Variants in CFAP20DC observed in about 807,000 individuals in gnomAD.
CFAP20DC encodes the protein CFAP20 domain containing, also known as protein CFAP20DC.
Under a neutral mutation model 101.7 loss-of-function variants are expected in CFAP20DC, and 84 were observed. The ratio of observed to expected loss-of-function variants is 0.83; its 90% CI spans 0.69 to 0.99. The LOEUF (loss-of-function observed/expected upper bound fraction) is 0.99. CFAP20DC is among the 50% of genes least tolerant of loss of function. The pLI is 0.00. For missense variants in CFAP20DC, 1,007 were observed against 970.3 expected, an observed-to-expected ratio of 1.04 and a Z score of -0.50; for synonymous variants, 359 against 351.2, an observed-to-expected ratio of 1.02 and a Z score of -0.25.
At chr3:58,939,844 G>A (rs2088274561) in intron 4 of CFAP20DC, among the ~76,000 whole-genome samples, 1 of 140,098 alleles carries the variant, frequency 7.1e-6, no homozygotes, top group African/African-American at 2.7e-5. Context: ...GTGGCTTACT[G>A]TAACCTCCGC....
chr3:58,913,880 G>T lies in CFAP20DC; in HGVS notation c.394-16C>A. 6.2e-7 allele frequency: 1 copy of T among 1,612,578 alleles called. No homozygotes were observed. The highest frequency in any genetic ancestry group is 8.5e-7 in the Non-Finnish European group (1 of 1,179,256). On this transcript the variant is annotated splice_polypyrimidine_tract_variant and intron_variant, in intron 5 of 16. Transcript: ENST00000482387. The surrounding 1 kb of genome is among the most constrained non-coding windows in gnomAD (Gnocchi z 4.4). ...GATTGCACCACTAAAATAGAGAGATGCAAAGAAGAGTAAGGACCTTTCATC... is the reference window on the plus strand; with the variant it reads ...GATTGCACCACTAAAATAGAGAGATTCAAAGAAGAGTAAGGACCTTTCATC...
At chr3:58,975,055 G>T (rs568415274) in intron 4 of CFAP20DC, among the ~76,000 whole-genome samples, 4 of 152,254 alleles carry the variant, frequency 2.6e-5, no homozygotes, top group African/African-American at 9.6e-5. Context: ...TAGGTGGAAG[G>T]GAGATTAATC....
intron 6 of CFAP20DC, among the ~76,000 whole-genome samples, chr3:58,886,691 G>A (rs554338114): frequency 1.3e-5 from 2 of 152,100 alleles, no homozygotes; most frequent in South Asian, 2.1e-4. Context: ...CAGCCTGGGA[G>A]ATGGAGAAAG....
intron 3 of CFAP20DC, among the ~76,000 whole-genome samples, chr3:59,039,844 T>A (rs1340863595): frequency 6.6e-6 from 1 of 152,024 alleles, no homozygotes; most frequent in Non-Finnish European, 1.5e-5. Context: ...CTTTTAAAGT[T>A]CCATCTGTGG....
intron 12 of CFAP20DC, among the ~76,000 whole-genome samples, chr3:58,853,258 CA>C (rs1303357469): frequency 6.6e-6 from 1 of 152,178 alleles, no homozygotes; most frequent in African/African-American, 2.4e-5. Context: ...TTTCTCGACA[CA>C]TACACTCTCC....
chr3:59,002,106 G>T lies in CFAP20DC; in HGVS notation c.278+37451C>A, dbSNP rs1483495675. 6.6e-6 allele frequency among the ~76,000 whole-genome samples: 1 copy of T among 152,182 alleles called. No homozygotes were observed. Among genetic ancestry groups the T allele is most frequent in the South Asian group, 2.1e-4 (1 of 4,822 alleles). On this transcript the variant is annotated intron_variant, in intron 4 of 16. Coordinates refer to ENST00000482387, the MANE Select transcript of CFAP20DC (RefSeq NM_001394063.1). The surrounding 1 kb of genome is among the most constrained non-coding windows in gnomAD (Gnocchi z 4.5). ...GTCCATGGATTGTCAGAGCCTGAAA[G>T]AACTGAGTTGGGGATCCCAGCTCTG...
chr3:58,947,083 G>A (rs2089467714), intron 4 of CFAP20DC, among the ~76,000 whole-genome samples: 1 of 152,168 alleles, frequency 6.6e-6, no homozygotes, highest in Admixed American at 6.5e-5. Context: ...AGCAATAATG[G>A]TAAATTATTT....
chr3:58,807,348 G>A (rs546646690), intron 14 of CFAP20DC, among the ~76,000 whole-genome samples: 10 of 152,242 alleles, frequency 6.6e-5, no homozygotes, highest in East Asian at 1.9e-4. Flanking sequence ...TCACACGGGC[G>A]GGTACTCCTC....
At chr3:58,910,895 A>C (rs1357479586) in intron 6 of CFAP20DC, among the ~76,000 whole-genome samples, 1 of 152,086 alleles carries the variant, frequency 6.6e-6, no homozygotes, top group Non-Finnish European at 1.5e-5. Context: ...CTTATCAGGC[A>C]TACCAAGAGA....
chr3:59,029,030 A>C (rs2093941959), intron 4 of CFAP20DC, among the ~76,000 whole-genome samples: 1 of 152,182 alleles, frequency 6.6e-6, no homozygotes, highest in Admixed American at 6.5e-5. Context: ...TTCCCCACTG[A>C]TCTTGCTCTT....
intron 3 of CFAP20DC, among the ~76,000 whole-genome samples, chr3:58,733,158 C>T (rs149172795): frequency 4.6e-5 from 7 of 152,174 alleles, no homozygotes; most frequent in Non-Finnish European, 1.0e-4. Flanking sequence ...ATGGTGAAAC[C>T]CCGTGTCAAC....
chr3:59,044,934 A>C (rs1699722389), intron 3 of CFAP20DC, among the ~76,000 whole-genome samples: 2 of 151,860 alleles, frequency 1.3e-5, no homozygotes, highest in Admixed American at 1.3e-4. Flanking sequence ...ATCTTAGTTC[A>C]CCTCATTTAT....
chr3:59,038,501 T>G (rs1035676667), intron 4 of CFAP20DC, among the ~76,000 whole-genome samples: 3 of 152,222 alleles, frequency 2.0e-5, no homozygotes, highest in Admixed American at 2.0e-4. Flanking sequence ...TTGCAGATAT[T>G]ATGTTTGTTA....
rs2081472267 is a variant in CFAP20DC at position 58,884,639 on chromosome 3, T to C, written c.621A>G (p.Thr207=). The C allele has an allele frequency of 1.2e-6, 2 of 1,614,024 alleles. No homozygotes were observed. Among genetic ancestry groups the C allele is most frequent in the East Asian group, 2.2e-5 (1 of 44,880 alleles). ...GCAGCTGTGTGACATGTGGAACATC[T>C]GTCATTAGTTGACAGCTTCGTGGTA... ...DIIPRSCQLM[T]DVPHVTQLLN... The change falls in exon 7 of 17, where the codon ACA becomes ACG. Residue 207 remains threonine, a synonymous_variant. Transcript: ENST00000482387.
In CFAP20DC at chr3:58,869,421, C is replaced by A; in HGVS notation, c.922G>T (p.Gly308Cys). The change falls in exon 9 of 17, where the codon GGT becomes TGT. Residue 308 changes from glycine to cysteine, a missense_variant. Coordinates refer to ENST00000482387, the MANE Select transcript of CFAP20DC (RefSeq NM_001394063.1). This position sits in a 1 kb window ranked among gnomAD's most constrained non-coding sequence, Gnocchi z 4.3. ...ATCAGCAAGGCTGACATTTCTGTAC[C>A]ATTAACACACTTCTCTACAGTGGAC... Reference protein sequence around the residue: ...QPSTVEKCVNGTEMSALLIPE... With the variant: ...QPSTVEKCVNCTEMSALLIPE... 6.2e-7 allele frequency: 1 copy of A among 1,613,752 alleles called. No homozygotes were observed.
chr3:58,965,253 T>C lies in CFAP20DC; in HGVS notation c.279-27491A>G, dbSNP rs191787094. 4.1e-3 allele frequency among the ~76,000 whole-genome samples: 626 copies of C among 152,316 alleles called. 4 individuals carry two copies. Among genetic ancestry groups the C allele is most frequent in the Non-Finnish European group, 6.3e-3 (426 of 68,030 alleles). ...AAATGGTGGGAATGGGTTTCAAACC[T>C]AGATTTTACCACTCTAAAAGTTTAT... On this transcript the variant is annotated intron_variant, in intron 4 of 16. Coordinates refer to ENST00000482387, the MANE Select transcript of CFAP20DC (RefSeq NM_001394063.1).
At position 58,822,157 on chromosome 3, in the gene CFAP20DC, AG is replaced by A. The variant is rs1186633941; in HGVS notation, c.2175+9528del. On this transcript the variant is annotated intron_variant, in intron 14 of 16. Transcript: ENST00000482387. The stretch of plus-strand genomic sequence containing the variant: ...CTGGGGACTGTTGTGGGGTGGGGGG[AG>A]GGGGGAAGGATAGCATTGGGAGATA... 8.4e-4 allele frequency among the ~76,000 whole-genome samples: 52 copies of A among 61,842 alleles called. 1 individual carries two copies. The highest frequency in any genetic ancestry group is 2.8e-3 in the African/African-American group (42 of 14,982). The allele number at this position is 61,842 out of a possible 152,430, so 40.6% of individuals were successfully genotyped here.
At position 58,865,908 on chromosome 3, in the gene CFAP20DC, G is replaced by T. The variant is rs149412070; in HGVS notation, c.1258+658C>A. ...TATGGAATTTGCAGTTTTACCTCAAGTATTTCCATATCAATTGTAATGAAT... is the reference window on the plus strand; with the variant it reads ...TATGGAATTTGCAGTTTTACCTCAATTATTTCCATATCAATTGTAATGAAT... On this transcript the variant is annotated intron_variant, in intron 11 of 16. Transcript: ENST00000482387. Among the ~76,000 whole-genome samples, 657 of 152,228 alleles carry T rather than the reference G, an allele frequency of 4.3e-3. 3 individuals are homozygous for T. The highest frequency in any genetic ancestry group is 0.014 in the Middle Eastern group (4 of 294).
rs886766397 is a variant in CFAP20DC, at chr3:58,729,246, T to G, written c.198-11618A>C. Among the ~76,000 whole-genome samples the G allele has an allele frequency of 2.0e-5, 3 of 152,216 alleles. No homozygotes were observed. Among genetic ancestry groups the G allele is most frequent in the Admixed American group, 2.0e-4 (3 of 15,288 alleles). On this transcript the variant is annotated intron_variant, in intron 3 of 3. Transcript: ENST00000486145. This position sits in a 1 kb window ranked among gnomAD's most constrained non-coding sequence, Gnocchi z 4.4. ...AGCAATAGACAACTAATATAATATT[T>G]TAATTCGTATCAATAAATGTTTCAT...
Sources: gnomAD v4.1 joint callset for allele counts (sites outside exome capture counted in the v4.1 genomes callset) on GRCh38, gnomAD v4.1.1 for gene constraint, Gnocchi (gnomAD v3.1) non-coding constraint, MANE v1.5 for transcripts, NCBI Gene and HGNC (gene_info 2026-07-23, HGNC 2026-07-21) for gene names.